TRAPPC12: variants seen among roughly 807,000 people sequenced by gnomAD.
TRAPPC12 encodes the protein trafficking protein particle complex subunit 12.
TRAPPC12 carries 61 observed loss-of-function variants against 69.2 expected under a neutral mutation model. The ratio of observed to expected loss-of-function variants is 0.88; its 90% confidence interval spans 0.72 to 1.09. The LOEUF (loss-of-function observed/expected upper bound fraction) is 1.09, where lower values mean the gene tolerates loss of function less well. Among genes scored for constraint, TRAPPC12 ranks in the 50% least tolerant of loss-of-function variants. The pLI is 0.00. For missense variants in TRAPPC12, 1,101 were observed against 1,016.4 expected (o/e 1.08, Z -1.13); for synonymous variants, 469 against 438.9 (o/e 1.07, Z -0.86).
chr2:3,415,642 G>T (rs1389877824), intron 3 of TRAPPC12, among the ~76,000 whole-genome samples: 1 of 151,752 alleles, frequency 6.6e-6, no homozygotes, highest in Non-Finnish European at 1.5e-5. Context: ...GATCCCAGGT[G>T]ATCCACCCAG....
At chr2:3,446,571 C>T (rs758011824) in intron 6 of TRAPPC12, among the ~76,000 whole-genome samples, 2 of 152,214 alleles carry the variant, frequency 1.3e-5, no homozygotes, top group East Asian at 1.9e-4. Flanking sequence ...CTTCCTTGCA[C>T]GTTAGGGGCT....
intron 8 of TRAPPC12, chr2:3,463,038 T>G: frequency 2.2e-6 from 1 of 454,716 alleles, no homozygotes; most frequent in Non-Finnish European, 4.6e-6. Context: ...AAAGAAATGG[T>G]GAAGATTGAG....
At chr2:3,477,569 T>C (rs1472314639) in intron 9 of TRAPPC12, 126 bp from the exon 10 acceptor site, 1 of 521,890 alleles carries the variant, frequency 1.9e-6, no homozygotes, top group East Asian at 3.1e-5. Flanking sequence ...AAATGGTTAC[T>C]GAAGTTTTCC....
intron 9 of TRAPPC12, among the ~76,000 whole-genome samples, chr2:3,469,125 AAC>A (rs1262313990): frequency 6.6e-6 from 1 of 152,198 alleles, no homozygotes; most frequent in Non-Finnish European, 1.5e-5. Flanking sequence ...TTCTTGGAGA[AAC>A]AGCCCTCAGA....
At chr2:3,433,344 C>T (rs1392994239) in intron 5 of TRAPPC12, among the ~76,000 whole-genome samples, 1 of 152,224 alleles carries the variant, frequency 6.6e-6, no homozygotes, top group Admixed American at 6.5e-5. Context: ...TTGTGCCTTA[C>T]TGAAGAAAGC....
At chr2:3,478,748 G>A (rs1411865336) in intron 10 of TRAPPC12, 98 bp from the exon 11 acceptor site, 5 of 1,045,984 alleles carry the variant, frequency 4.8e-6, no homozygotes, top group African/African-American at 1.6e-5. Context: ...AGGGCCATAC[G>A]CTGGGTCTCT....
chr2:3,393,266 A>C (rs1027394194), intron 2 of TRAPPC12, among the ~76,000 whole-genome samples: 3 of 151,742 alleles, frequency 2.0e-5, no homozygotes, highest in Non-Finnish European at 4.4e-5. Context: ...AAAATGATGA[A>C]TACCACGTGA....
intron 1 of TRAPPC12, among the ~76,000 whole-genome samples, chr2:3,387,396 TAAA>T (rs1298699447): frequency 6.6e-6 from 1 of 152,186 alleles, no homozygotes; most frequent in African/African-American, 2.4e-5. Flanking sequence ...TTTTGCAAGA[TAAA>T]AAGTGTTCTG....
intron 8 of TRAPPC12, among the ~76,000 whole-genome samples, chr2:3,463,311 C>G (rs191661619): frequency 1.3e-5 from 2 of 152,140 alleles, no homozygotes; most frequent in East Asian, 3.9e-4. Context: ...AACTGCAGCC[C>G]GGACACACAG....
intron 9 of TRAPPC12, among the ~76,000 whole-genome samples, chr2:3,474,087 G>C (rs1572212495): frequency 6.6e-6 from 1 of 152,194 alleles, no homozygotes; most frequent in South Asian, 2.1e-4. Flanking sequence ...AAGGTGATGA[G>C]GAATCCCAAA....
chr2:3,390,577 G>T (rs1016323201), intron 2 of TRAPPC12, among the ~76,000 whole-genome samples: 1 of 152,194 alleles, frequency 6.6e-6, no homozygotes, highest in East Asian at 1.9e-4. Flanking sequence ...GATGCCAGGG[G>T]TTAGGGGGAG....
chr2:3,421,738 C>A, intron 3 of TRAPPC12, 143 bp from the exon 4 acceptor site: 1 of 770,938 alleles, frequency 1.3e-6, no homozygotes, highest in Non-Finnish European at 2.3e-6. Context: ...CGTCAGCACA[C>A]TGACGTTGTC....
Position 3,406,085 on chromosome 2 carries a change from C to T in TRAPPC12, c.1164+4192C>T, listed in dbSNP as rs564584365. On this transcript the variant is annotated intron_variant, in intron 3 of 11. Coordinates refer to ENST00000324266, the MANE Select transcript of TRAPPC12 (RefSeq NM_016030.6). ...TCCCTGACTTGCAGAGACTGAAGGA[C>T]CCTTCCAGACTCAGAGAAGCCAAAC... Among the ~76,000 whole-genome samples, 167 of 152,250 alleles carry T rather than the reference C, an allele frequency of 1.1e-3. 1 individual carries two copies. Among genetic ancestry groups the T allele is most frequent in the Non-Finnish European group, 1.5e-3 (105 of 68,032 alleles).
rs766793590 is a variant in TRAPPC12, at chr2:3,388,314, G to A, written c.691G>A (p.Ala231Thr). The change falls in exon 2 of 12, where the codon GCC becomes ACC. Residue 231 changes from alanine to threonine, a missense_variant. Coordinates refer to ENST00000324266, the MANE Select transcript of TRAPPC12 (RefSeq NM_016030.6). ...CTTCTTCGACTCCTTTACTACCTCC[G>A]CCTTCATTTCCGTCAGCAATCCCGG... ...SDFFDSFTTS[A>T]FISVSNPGAG... 7 of 1,604,488 alleles carry A rather than the reference G, an allele frequency of 4.4e-6. No homozygotes were observed. Among genetic ancestry groups the A allele is most frequent in the African/African-American group, 4.1e-5 (3 of 73,432 alleles).
At position 3,421,975 on chromosome 2, in the gene TRAPPC12, A is replaced by T. The variant is rs1362018810; in HGVS notation, c.1259A>T (p.His420Leu). 6.2e-7 allele frequency: 1 copy of T among 1,613,294 alleles called. No homozygotes were observed. The change falls in exon 4 of 12, where the codon CAC (histidine) becomes CTC (leucine). Residue 420 changes from histidine to leucine, a missense_variant. By Grantham distance (99) the His-to-Leu change is moderately conservative. Transcript: ENST00000324266. ...GYGKSGLLTS[H>L]TTDSLQLWFV... is the part of the protein sequence containing the mutation. ...GGCAAGAGCGGGCTGCTCACCAGCC[A>T]CACGACAGATTCACTGCAGGTGAGA...
chr2:3,388,981 T>C, intron 2 of TRAPPC12: 1 of 295,928 alleles, frequency 3.4e-6, no homozygotes, highest in Non-Finnish European at 6.2e-6. Flanking sequence ...CTCCAGTTAA[T>C]AATAAATCCA....
At chr2:3,424,806 C>G in intron 5 of TRAPPC12, 143 bp downstream of exon 5, 1 of 912,794 alleles carries the variant, frequency 1.1e-6, no homozygotes, top group Non-Finnish European at 1.6e-6. Flanking sequence ...CAAGCCTTGA[C>G]TTACAGAATG....
chr2:3,397,049 A>G (rs1405956971), intron 2 of TRAPPC12, among the ~76,000 whole-genome samples: 1 of 152,206 alleles, frequency 6.6e-6, no homozygotes, highest in Non-Finnish European at 1.5e-5. Flanking sequence ...TATCTATGTA[A>G]TATCTGCATC....
chr2:3,465,691 T>A lies in TRAPPC12; in HGVS notation c.1772T>A (p.Leu591Gln). 6.2e-7 allele frequency: 1 copy of A among 1,612,998 alleles called. No individual in the cohort carries two copies. Among genetic ancestry groups the A allele is most frequent in the Non-Finnish European group, 8.5e-7 (1 of 1,178,950 alleles). Reference protein sequence around the residue: ...QLLSGIGRISLQIGDIKTAEK... With the variant: ...QLLSGIGRISQQIGDIKTAEK... ...CTCAGCGGCATCGGCCGGATTTCCC[T>A]GCAGGTACCTGTGCACGGTCAGACA... Residue 591 changes from leucine to glutamine, a missense_variant, in exon 9 of 12, where the codon CTG becomes CAG. Transcript: ENST00000324266.
Sources: gnomAD v4.1 joint callset for allele counts (sites outside exome capture counted in the v4.1 genomes callset) on GRCh38, gnomAD v4.1.1 for gene constraint, MANE v1.5 for transcripts, NCBI Gene and HGNC (gene_info 2026-07-23, HGNC 2026-07-21) for gene names.